The following CD300LF variants were observed in gnomAD, a reference collection of about 807,000 sequenced individuals.
CD300LF encodes CD300 molecule like family member f.
A neutral mutation model predicts 32.2 loss-of-function variants in CD300LF; 27 were observed. The ratio of observed to expected loss-of-function variants is 0.84; its 90% CI spans 0.62 to 1.15. The LOEUF (loss-of-function observed/expected upper bound fraction) is 1.15. CD300LF is among the 50% of genes most tolerant of loss of function. The pLI, the probability that CD300LF is intolerant of heterozygous loss-of-function variation, is 0.00. For missense variants in CD300LF, 348 were observed against 356.8 expected, an observed-to-expected ratio of 0.98 and a Z score of 0.20; for synonymous variants, 139 against 143.2, an observed-to-expected ratio of 0.97 and a Z score of 0.21.
intron 1 of CD300LF, among the ~76,000 whole-genome samples, chr17:74,711,885 TTTTTTTC>T (rs552919536): frequency 1.9e-3 from 292 of 150,752 alleles, no homozygotes; most frequent in African/African-American, 6.0e-3. Flanking sequence ...TTTCTTTCTT[TTTTTTTC>T]TTTTTTCTTT....
At chr17:74,702,802 G>A (rs921696763) in intron 3 of CD300LF, among the ~76,000 whole-genome samples, 16 of 152,192 alleles carry the variant, frequency 1.1e-4, no homozygotes, top group Non-Finnish European at 2.4e-4. Flanking sequence ...AAAGTGGGGC[G>A]AACGAATGAA....
At chr17:74,710,786 G>GA (rs1479471022) in intron 1 of CD300LF, among the ~76,000 whole-genome samples, 2 of 151,826 alleles carry the variant, frequency 1.3e-5, no homozygotes, top group Non-Finnish European at 2.9e-5. Flanking sequence ...AGAATCACTT[G>GA]AATCTGGGAG....
intron 4 of CD300LF, among the ~76,000 whole-genome samples, chr17:74,696,746 G>T (rs2032518632): frequency 6.6e-6 from 1 of 152,194 alleles, no homozygotes; most frequent in Non-Finnish European, 1.5e-5. Context: ...CTGCAGGGTG[G>T]CTGGGCCTGT....
At chr17:74,712,750 C>T (rs750346658) in intron 1 of CD300LF, 74 bp downstream of exon 1, 14 of 1,515,748 alleles carry the variant, frequency 9.2e-6, no homozygotes, top group Non-Finnish European at 1.3e-5. Flanking sequence ...CTGGCCGGGT[C>T]CCTTCTTCCC....
rs370102345 is a variant in CD300LF at position 74,706,975 on chromosome 17, A to G, written c.44-2159T>C. On this transcript the variant is annotated intron_variant, in intron 1 of 6. Coordinates refer to ENST00000326165, the MANE Select transcript of CD300LF (RefSeq NM_139018.5). ...GCCGGACCTTTATCTCACAACATAT[A>G]CAAAAATCAACTCACAATAGAGAAG... Among the ~76,000 whole-genome samples, 12 of 152,356 alleles carry G rather than the reference A, an allele frequency of 7.9e-5. No homozygotes were observed. The East Asian group carries it at 1.5e-3, about 20-fold the overall frequency.
Position 74,694,823 on chromosome 17 carries a change from A to G in CD300LF, c.*273T>C, listed in dbSNP as rs949884942. On this transcript the variant is annotated 3_prime_UTR_variant, in exon 7 of 7. Coordinates refer to ENST00000326165, the MANE Select transcript of CD300LF (RefSeq NM_139018.5). ...TAATAATGATAACATTTTTCTCATT[A>G]TCATCTTCATCATTCCCATGAAAGC... 11 of 337,232 alleles carry G rather than the reference A, an allele frequency of 3.3e-5. No homozygotes were observed. Among genetic ancestry groups the G allele is most frequent in the African/African-American group, 2.1e-4 (10 of 47,390 alleles). The allele number at this position is 337,232 out of a possible 1,614,324, so 20.9% of individuals were successfully genotyped here.
At chr17:74,705,468 G>T in intron 1 of CD300LF, 1 of 496,082 alleles carries the variant, frequency 2.0e-6, no homozygotes, top group Non-Finnish European at 3.6e-6. Flanking sequence ...TTCCCATTCT[G>T]TTCCATTGAT....
At chr17:74,705,842 A>T (rs955141542) in intron 1 of CD300LF, among the ~76,000 whole-genome samples, 1 of 152,044 alleles carries the variant, frequency 6.6e-6, no homozygotes, top group African/African-American at 2.4e-5. Flanking sequence ...CGATCCACCC[A>T]CCTCAGCCTC....
chr17:74,707,927 C>T (rs143266352), intron 1 of CD300LF, among the ~76,000 whole-genome samples: 1,704 of 151,964 alleles, frequency 0.011, 94 homozygotes, highest in Admixed American at 0.081. Flanking sequence ...GCAGGTGGAT[C>T]ACCTGAAGTC....
intron 1 of CD300LF, among the ~76,000 whole-genome samples, chr17:74,708,147 C>CAAAAAAAAAAAAAAAA (rs373733638): frequency 1.2e-5 from 1 of 81,306 alleles, no homozygotes. Context: ...GACTCCATCT[C>CAAAAAAAAAAAAAAAA]AAAAAAAAAA....
intron 1 of CD300LF, among the ~76,000 whole-genome samples, chr17:74,711,988 T>G (rs1225189989): frequency 6.8e-6 from 1 of 147,846 alleles, no homozygotes; most frequent in Non-Finnish European, 1.5e-5. Context: ...CACTGCAGCC[T>G]CCAACTCCTG....
intron 2 of CD300LF, chr17:74,704,266 G>A: frequency 1.7e-6 from 1 of 573,964 alleles, no homozygotes; most frequent in South Asian, 2.2e-5. Context: ...GCCTAGAAAG[G>A]CTTAATCCCG....
rs1190223526 is a variant in CD300LF at position 74,703,045 on chromosome 17, A to G, written c.436T>C (p.Leu146=). ...CCAGAGCTGGCTTACCTGTTGTCCAAGTGGTGGCCGGTCAGAGTTGGGGAG... is the reference window on the plus strand; with the variant it reads ...CCAGAGCTGGCTTACCTGTTGTCCAGGTGGTGGCCGGTCAGAGTTGGGGAG... The part of the protein sequence containing the change: ...SSSPTLTGHH[L]DNRHKLLKLS... The change falls in exon 3 of 7, where the codon TTG becomes CTG. Residue 146 remains leucine, a synonymous_variant. Transcript: ENST00000326165. 1.2e-6 allele frequency: 2 copies of G among 1,613,686 alleles called. No homozygotes were observed. Among genetic ancestry groups the G allele is most frequent in the East Asian group, 2.2e-5 (1 of 44,886 alleles).
intron 3 of CD300LF, 24 bp from the exon 4 acceptor site, chr17:74,698,505 C>T (rs2032731811): frequency 6.3e-7 from 1 of 1,598,708 alleles, no homozygotes; most frequent in South Asian, 1.1e-5. Flanking sequence ...CAAGCGTCCC[C>T]TGCATCCCAG....
Position 74,700,684 on chromosome 17 carries a change from G to A in CD300LF, c.447-2203C>T, listed in dbSNP as rs542092283. On this transcript the variant is annotated intron_variant, in intron 3 of 6. Coordinates refer to ENST00000326165, the MANE Select transcript of CD300LF (RefSeq NM_139018.5). ...GGAGAATCGCTTGAACCTGGGAGGC[G>A]TAGGTTGCAGTGAGCCGAGATCCTG... Among the ~76,000 whole-genome samples, 8 of 152,128 alleles carry A rather than the reference G, an allele frequency of 5.3e-5. 1 individual carries two copies. In the East Asian group the frequency reaches 7.7e-4, roughly 15 times the overall value.
chr17:74,711,726 G>A (rs1157051255), intron 1 of CD300LF, among the ~76,000 whole-genome samples: 1 of 152,074 alleles, frequency 6.6e-6, no homozygotes. Context: ...TCTCGGCTCG[G>A]ACAGGCATCT....
intron 1 of CD300LF, among the ~76,000 whole-genome samples, chr17:74,711,602 C>T (rs1037834438): frequency 6.6e-6 from 1 of 152,182 alleles, no homozygotes; most frequent in Admixed American, 6.5e-5. Context: ...TGCTGACCTC[C>T]CTCTTCCTCA....
chr17:74,702,690 C>G (rs2033162185), intron 3 of CD300LF, among the ~76,000 whole-genome samples: 1 of 152,116 alleles, frequency 6.6e-6, no homozygotes, highest in Admixed American at 6.5e-5. Flanking sequence ...CACTGACTGC[C>G]AACTCATCGG....
chr17:74,695,870 G>A lies in CD300LF; in HGVS notation c.583-11C>T, dbSNP rs1021468831. ...CAGGGGCTGCAGTACCTGGGACAGG[G>A]AACACAGGCTGGGGAGTCACAAGAT... On this transcript the variant is annotated splice_polypyrimidine_tract_variant and intron_variant, in intron 5 of 6. Transcript: ENST00000326165. 16 of 1,611,234 alleles carry A rather than the reference G, an allele frequency of 9.9e-6. No individual in the cohort carries two copies. The highest frequency in any genetic ancestry group is 1.4e-5 in the Non-Finnish European group (16 of 1,178,332).
Sources: allele counts gnomAD v4.1 joint callset (sites outside exome capture counted in the v4.1 genomes callset), GRCh38; gene constraint gnomAD v4.1.1; transcripts MANE v1.5; gene names NCBI Gene and HGNC (gene_info 2026-07-23, HGNC 2026-07-21).